METTL15: variants seen among roughly 807,000 people sequenced by gnomAD.
The protein encoded by METTL15 is methyltransferase 15, mitochondrial 12S rRNA N4-cytidine, also known as 12S rRNA N(4)-cytidine methyltransferase METTL15.
METTL15 carries 34 observed loss-of-function variants against 38.3 expected under a neutral mutation model. The observed-to-expected ratio is 0.89, with a 90% confidence interval of 0.68 to 1.18. The LOEUF (loss-of-function observed/expected upper bound fraction) is 1.18. Ranked by LOEUF, METTL15 falls within the 50% of genes most tolerant of loss-of-function variation. The pLI, the probability that METTL15 is intolerant of heterozygous loss-of-function variation, is 0.00. For missense variants in METTL15, 438 were observed against 498.4 expected, an observed-to-expected ratio of 0.88 and a Z score of 1.15; for synonymous variants, 162 against 170.9, an observed-to-expected ratio of 0.95 and a Z score of 0.41.
intron 3 of METTL15, among the ~76,000 whole-genome samples, chr11:28,209,923 G>A (rs369024579): frequency 2.6e-5 from 4 of 152,004 alleles, no homozygotes; most frequent in African/African-American, 9.7e-5. Flanking sequence ...TGTTGTCATT[G>A]TAGTCAATAT....
Position 28,122,222 on chromosome 11 carries a change from A to G in METTL15, c.270+8618A>G, listed in dbSNP as rs568217622. On this transcript the variant is annotated intron_variant, in intron 3 of 6. Coordinates refer to ENST00000407364, the MANE Select transcript of METTL15 (RefSeq NM_001113528.2). ...TTTAAAATGAGAATGTTTATGGATTATATTTTTTATAAAATGCTTTGTTCA... is the reference window on the plus strand; with the variant it reads ...TTTAAAATGAGAATGTTTATGGATTGTATTTTTTATAAAATGCTTTGTTCA... 61 of 1,192,422 alleles carry G rather than the reference A, an allele frequency of 5.1e-5. No homozygotes were observed. The African/African-American group carries it at 9.4e-4, about 18-fold the overall frequency. 73.9% of individuals were successfully genotyped at this position (1,192,422 alleles called of 1,614,324 possible).
At chr11:28,209,914 G>A (rs998662301) in intron 3 of METTL15, among the ~76,000 whole-genome samples, 1 of 152,110 alleles carries the variant, frequency 6.6e-6, no homozygotes, top group African/African-American at 2.4e-5. Flanking sequence ...GTAGACTTAT[G>A]TTGTCATTGT....
intron 6 of METTL15, among the ~76,000 whole-genome samples, chr11:28,429,140 A>G (rs1850889669): frequency 6.6e-6 from 1 of 152,108 alleles, no homozygotes; most frequent in Admixed American, 6.5e-5. Flanking sequence ...ATTTTGTGTA[A>G]TAGGTTTCTC....
chr11:28,418,316 T>A (rs905190417), intron 5 of METTL15, among the ~76,000 whole-genome samples: 1 of 152,224 alleles, frequency 6.6e-6, no homozygotes, highest in Admixed American at 6.5e-5. Flanking sequence ...CGAGCTTTAT[T>A]ATAGCACCTT....
chr11:28,112,002 A>G (rs796938891), intron 2 of METTL15, among the ~76,000 whole-genome samples: 2 of 152,258 alleles, frequency 1.3e-5, no homozygotes, highest in African/African-American at 4.8e-5. Flanking sequence ...TTGCCACACA[A>G]TTCTGCAGAT....
At chr11:28,376,039 T>C (rs1850307269) in intron 5 of METTL15, among the ~76,000 whole-genome samples, 1 of 152,210 alleles carries the variant, frequency 6.6e-6, no homozygotes. Flanking sequence ...AGATAGTTTG[T>C]TATAATTTCT....
chr11:28,317,036 G>T (rs1335719944), intron 6 of METTL15, among the ~76,000 whole-genome samples: 1 of 152,124 alleles, frequency 6.6e-6, no homozygotes, highest in Non-Finnish European at 1.5e-5. Flanking sequence ...AAAAATTTCA[G>T]TTCTTTCCTT....
At chr11:28,130,723 CTT>C (rs2133631213) in intron 3 of METTL15, among the ~76,000 whole-genome samples, 1 of 152,270 alleles carries the variant, frequency 6.6e-6, no homozygotes, top group Non-Finnish European at 1.5e-5. Flanking sequence ...AGTACAAACA[CTT>C]AAACTTGACC....
intron 4 of METTL15, among the ~76,000 whole-genome samples, chr11:28,263,160 A>G (rs954327816): frequency 7.2e-5 from 11 of 152,006 alleles, no homozygotes; most frequent in South Asian, 6.2e-4. Context: ...CAGTATGGTG[A>G]CATTCTGTCT....
chr11:28,365,555 TTCTC>T (rs1307936921), intron 5 of METTL15, among the ~76,000 whole-genome samples: 1 of 151,924 alleles, frequency 6.6e-6, no homozygotes, highest in Non-Finnish European at 1.5e-5. Context: ...TATTTGAATC[TTCTC>T]TCTTTTTTTT....
intron 5 of METTL15, among the ~76,000 whole-genome samples, chr11:28,411,556 C>T (rs1354690742): frequency 6.6e-6 from 1 of 151,796 alleles, no homozygotes; most frequent in Non-Finnish European, 1.5e-5. Flanking sequence ...GAAATTCAAC[C>T]CTTAGATCAT....
At chr11:28,265,385 A>G (rs931505860) in intron 4 of METTL15, among the ~76,000 whole-genome samples, 18 of 151,916 alleles carry the variant, frequency 1.2e-4, no homozygotes, top group African/African-American at 3.4e-4. Flanking sequence ...ATCATCATAG[A>G]AAGGATAGAA....
intron 4 of METTL15, among the ~76,000 whole-genome samples, chr11:28,359,516 C>G (rs1163160156): frequency 6.6e-6 from 1 of 152,148 alleles, no homozygotes. Context: ...TTCACAGTGA[C>G]TGAACTTATT....
At chr11:28,245,702 GT>G (rs1347406020) in intron 4 of METTL15, among the ~76,000 whole-genome samples, 1 of 152,152 alleles carries the variant, frequency 6.6e-6, no homozygotes, top group Non-Finnish European at 1.5e-5. Context: ...TTGACTATCA[GT>G]TCCATAGGCT....
chr11:28,479,746 C>A (rs78365648), intron 6 of METTL15, among the ~76,000 whole-genome samples: 87 of 152,264 alleles, frequency 5.7e-4, no homozygotes, highest in African/African-American at 2.1e-3. Context: ...CAATAATAAT[C>A]ATCAGCTGTA....
At chr11:28,177,776 G>T (rs1278406559) in intron 3 of METTL15, among the ~76,000 whole-genome samples, 3 of 151,734 alleles carry the variant, frequency 2.0e-5, no homozygotes, top group Non-Finnish European at 4.4e-5. Flanking sequence ...GAGTTTTTTT[G>T]GGTCCTTAGC....
intron 3 of METTL15, among the ~76,000 whole-genome samples, chr11:28,189,591 A>ATACC (rs1354198820): frequency 2.6e-5 from 4 of 151,280 alleles, no homozygotes; most frequent in Non-Finnish European, 5.9e-5. Context: ...AGCAAGTGGT[A>ATACC]GTAAATAACA....
At chr11:28,242,624 G>A (rs1854347680) in intron 4 of METTL15, among the ~76,000 whole-genome samples, 1 of 151,924 alleles carries the variant, frequency 6.6e-6, no homozygotes, top group African/African-American at 2.4e-5. Flanking sequence ...TTTGTTTTAT[G>A]GACACAACTC....
chr11:28,168,222 A>G (rs1389402471), intron 3 of METTL15, among the ~76,000 whole-genome samples: 4 of 152,018 alleles, frequency 2.6e-5, no homozygotes, highest in African/African-American at 7.2e-5. Flanking sequence ...AAAAAATAAG[A>G]CAATGTCACC....
Sources: gnomAD v4.1 joint callset for allele counts (sites outside exome capture counted in the v4.1 genomes callset) on GRCh38, gnomAD v4.1.1 for gene constraint, MANE v1.5 for transcripts, NCBI Gene and HGNC (gene_info 2026-07-23, HGNC 2026-07-21) for gene names.